The following DLG2 variants were observed in gnomAD, a reference collection of about 807,000 sequenced individuals.
DLG2 encodes the protein disks large homolog 2.
A neutral mutation model predicts 132.5 loss-of-function variants in DLG2; 45 were observed. The observed-to-expected ratio is 0.34, with a 90% CI of 0.27 to 0.44. DLG2 has a LOEUF of 0.44. Ranked by LOEUF, DLG2 falls within the 20% of genes least tolerant of loss-of-function variation. DLG2 has a pLI of 1.00. For synonymous variants in DLG2, 424 were observed against 419.6 expected (o/e 1.01, Z -0.13); for missense variants, 1,045 against 1,196.9 (o/e 0.87, Z 1.87).
At chr11:84,457,329 G>T (rs545834987) in intron 7 of DLG2, among the ~76,000 whole-genome samples, 1 of 151,154 alleles carries the variant, frequency 6.6e-6, no homozygotes, top group African/African-American at 2.4e-5. Flanking sequence ...TCTGGTAAGA[G>T]ATTGGATATA....
At chr11:84,649,138 G>C (rs934914529) in intron 6 of DLG2, among the ~76,000 whole-genome samples, 1 of 152,026 alleles carries the variant, frequency 6.6e-6, no homozygotes, top group Non-Finnish European at 1.5e-5. Flanking sequence ...TTCTTTGCAG[G>C]TTTGTTCTTT....
intron 7 of DLG2, among the ~76,000 whole-genome samples, chr11:84,384,208 A>T (rs1471007516): frequency 6.6e-6 from 1 of 151,736 alleles, no homozygotes; most frequent in Non-Finnish European, 1.5e-5. Flanking sequence ...AGCTATTTCA[A>T]CGTTAATAAT....
chr11:84,019,086 T>C (rs2095308884), intron 11 of DLG2, among the ~76,000 whole-genome samples: 1 of 152,078 alleles, frequency 6.6e-6, no homozygotes, highest in African/African-American at 2.4e-5. Flanking sequence ...GATTTTTGTC[T>C]CATAATAATT....
chr11:84,774,294 T>C (rs1169759898), intron 6 of DLG2, among the ~76,000 whole-genome samples: 1 of 151,568 alleles, frequency 6.6e-6, no homozygotes, highest in African/African-American at 2.4e-5. Flanking sequence ...AAACAACAGA[T>C]GACAAAAACG....
At chr11:83,813,889 C>T (rs774388723) in intron 17 of DLG2, among the ~76,000 whole-genome samples, 6 of 152,082 alleles carry the variant, frequency 3.9e-5, no homozygotes, top group South Asian at 2.1e-4. Flanking sequence ...CAGCCCTATA[C>T]GTAGACACAG....
intron 21 of DLG2, among the ~76,000 whole-genome samples, chr11:83,511,735 T>TC (rs1314681160): frequency 6.6e-6 from 1 of 151,844 alleles, no homozygotes; most frequent in Admixed American, 6.6e-5. Context: ...ACTTTTTTTT[T>TC]TTTTTTTTTA....
intron 2 of DLG2, among the ~76,000 whole-genome samples, chr11:85,608,110 G>T (rs1431409618): frequency 1.3e-5 from 2 of 152,150 alleles, no homozygotes; most frequent in Non-Finnish European, 2.9e-5. Context: ...TGTTTCTGCT[G>T]CTGTGGCGGT....
At chr11:84,878,388 G>A (rs2086745032) in intron 6 of DLG2, among the ~76,000 whole-genome samples, 1 of 152,154 alleles carries the variant, frequency 6.6e-6, no homozygotes, top group Non-Finnish European at 1.5e-5. Context: ...TAAAAAGGAT[G>A]AGTTAATGTC....
Position 84,496,445 on chromosome 11 carries a change from G to A in DLG2, c.519+38125C>T, listed in dbSNP as rs543271998. Among the ~76,000 whole-genome samples, 9 of 152,210 alleles carry A rather than the reference G, an allele frequency of 5.9e-5. No individual in the cohort carries two copies. In the East Asian group the frequency reaches 1.5e-3, roughly 26 times the overall value. On this transcript the variant is annotated intron_variant, in intron 7 of 27. Transcript: ENST00000376104. Reference sequence around the variant, plus strand: ...CTACATGAATGGACTACAGATAGATGGCTTTAACCTTAGAAATCAATGATC... The same window carrying A: ...CTACATGAATGGACTACAGATAGATAGCTTTAACCTTAGAAATCAATGATC...
intron 6 of DLG2, among the ~76,000 whole-genome samples, chr11:85,063,809 A>G (rs966614887): frequency 1.3e-5 from 2 of 151,798 alleles, no homozygotes. Context: ...TTGTGGGATA[A>G]TTTATATCAA....
intron 6 of DLG2, among the ~76,000 whole-genome samples, chr11:84,845,227 T>C (rs1038323074): frequency 6.6e-6 from 1 of 152,112 alleles, no homozygotes; most frequent in Non-Finnish European, 1.5e-5. Flanking sequence ...CCAATTTATC[T>C]CCCATGTGAA....
chr11:84,798,280 A>C (rs1005794113), intron 6 of DLG2, among the ~76,000 whole-genome samples: 3 of 152,194 alleles, frequency 2.0e-5, no homozygotes, highest in African/African-American at 7.2e-5. Context: ...CTCTAGGCTC[A>C]AGAAGTTTCA....
At chr11:85,328,722 G>A (rs2081540791) in intron 3 of DLG2, among the ~76,000 whole-genome samples, 1 of 151,670 alleles carries the variant, frequency 6.6e-6, no homozygotes, top group African/African-American at 2.4e-5. Context: ...CACAAGACAA[G>A]AATGCCCTCT....
At chr11:85,311,318 A>G (rs1368779051) in intron 3 of DLG2, among the ~76,000 whole-genome samples, 3 of 152,170 alleles carry the variant, frequency 2.0e-5, no homozygotes, top group African/African-American at 7.2e-5. Flanking sequence ...AGCACTTGCC[A>G]TTTATTATCT....
At chr11:85,223,500 C>T (rs2074787830) in intron 4 of DLG2, among the ~76,000 whole-genome samples, 1 of 151,824 alleles carries the variant, frequency 6.6e-6, no homozygotes, top group Non-Finnish European at 1.5e-5. Flanking sequence ...TATAGCGAGG[C>T]GTGCTGGTGC....
At chr11:84,225,244 C>T (rs2096973932) in intron 8 of DLG2, among the ~76,000 whole-genome samples, 2 of 152,178 alleles carry the variant, frequency 1.3e-5, no homozygotes, top group Admixed American at 1.3e-4. Context: ...ATTTGAATAG[C>T]ATTTGAGAGC....
intron 15 of DLG2, among the ~76,000 whole-genome samples, chr11:83,911,105 A>T (rs1464593891): frequency 6.6e-6 from 1 of 152,160 alleles, no homozygotes; most frequent in Non-Finnish European, 1.5e-5. Flanking sequence ...AAAGTGATGT[A>T]AATAATAAAT....
intron 6 of DLG2, among the ~76,000 whole-genome samples, chr11:85,075,424 G>A (rs2066400714): frequency 6.6e-6 from 1 of 151,938 alleles, no homozygotes; most frequent in Admixed American, 6.6e-5. Flanking sequence ...ATAGGAAATA[G>A]GTAGAAATGT....
chr11:84,640,940 A>T (rs1258277493), intron 6 of DLG2, among the ~76,000 whole-genome samples: 1 of 143,700 alleles, frequency 7.0e-6, no homozygotes, highest in African/African-American at 2.6e-5. Context: ...ACTCTGTCTC[A>T]AAACAAACAA....
Sources: allele counts gnomAD v4.1 joint callset (sites outside exome capture counted in the v4.1 genomes callset), GRCh38; gene constraint gnomAD v4.1.1; transcripts MANE v1.5; gene names NCBI Gene and HGNC (gene_info 2026-07-23, HGNC 2026-07-21).